ATP13A4: variants seen among roughly 807,000 people sequenced by gnomAD.
The protein encoded by ATP13A4 is ATPase 13A4.
ATP13A4 carries 114 observed loss-of-function variants against 142.5 expected under a neutral mutation model. That is an observed-to-expected ratio of 0.80 (90% CI 0.69 to 0.93). The LOEUF is 0.93. Ranked by LOEUF, ATP13A4 falls within the 40% of genes least tolerant of loss-of-function variation. The pLI is 0.00. For synonymous variants in ATP13A4, 488 were observed against 514.8 expected (o/e 0.95, Z 0.70); for missense variants, 1,392 against 1,454.0 (o/e 0.96, Z 0.69).
At chr3:193,576,035 C>G (rs1383951780) in intron 2 of ATP13A4, among the ~76,000 whole-genome samples, 1 of 152,068 alleles carries the variant, frequency 6.6e-6, no homozygotes, top group Non-Finnish European at 1.5e-5. Flanking sequence ...GGGATGCTGT[C>G]AAGAATCCTG....
At chr3:193,440,717 G>C in intron 20 of ATP13A4, 80 bp from the exon 21 acceptor site, 1 of 1,433,774 alleles carries the variant, frequency 7.0e-7, no homozygotes, top group South Asian at 1.2e-5. Context: ...TCAGAATGTT[G>C]ACTGCATCAT....
At chr3:193,426,214 G>C (rs1036462165) in intron 25 of ATP13A4, among the ~76,000 whole-genome samples, 5 of 151,658 alleles carry the variant, frequency 3.3e-5, no homozygotes, top group African/African-American at 1.2e-4. Context: ...TCGTGTTTCT[G>C]TACACCAGCA....
Position 193,462,809 on chromosome 3 carries a change from T to C in ATP13A4, c.1476A>G (p.Thr492=), listed in dbSNP as rs1261729946. 1 of 1,613,800 alleles carries C rather than the reference T, an allele frequency of 6.2e-7. No individual in the cohort carries two copies. Among genetic ancestry groups the C allele is most frequent in the African/African-American group, 1.3e-5 (1 of 74,880 alleles). The change falls in exon 13 of 30, where the codon ACA becomes ACG. Residue 492 remains threonine, a synonymous_variant. Transcript: ENST00000342695. ...LVCFDKTGTL[T]RDGLDLWGVV... ...CTCCCCAGAGGTCCAAGCCGTCCCT[T>C]GTTAAGGTGCCTGTCTAAACAGAAA...
At chr3:193,497,826 A>G (rs1156465153) in intron 3 of ATP13A4, among the ~76,000 whole-genome samples, 1 of 152,186 alleles carries the variant, frequency 6.6e-6, no homozygotes, top group Non-Finnish European at 1.5e-5. Flanking sequence ...AATAAGGCAA[A>G]TACTGTAGGA....
chr3:193,458,209 C>T (rs1717748755), intron 14 of ATP13A4, among the ~76,000 whole-genome samples: 1 of 152,202 alleles, frequency 6.6e-6, no homozygotes, highest in Admixed American at 6.5e-5. Context: ...GAGGCGAGAG[C>T]TATATGCAGC....
chr3:193,542,656 T>G (rs116371955), intron 1 of ATP13A4, among the ~76,000 whole-genome samples: 4,231 of 152,144 alleles, frequency 0.028, 60 homozygotes, highest in East Asian at 0.033. Flanking sequence ...ACAGAATAGA[T>G]ATCTCAGAAA....
intron 28 of ATP13A4, among the ~76,000 whole-genome samples, chr3:193,409,466 A>G (rs939326729): frequency 6.6e-6 from 1 of 152,316 alleles, no homozygotes; most frequent in Middle Eastern, 3.4e-3. Context: ...TATGTTCCCT[A>G]TTTTGTTATA....
upstream of ATP13A4, among the ~76,000 whole-genome samples, chr3:193,556,628 G>A (rs893754479): frequency 1.0e-4 from 15 of 150,750 alleles, no homozygotes; most frequent in African/African-American, 3.4e-4. Flanking sequence ...AGGGTTTATG[G>A]GGGGGGTAAT....
chr3:193,467,850 G>A (rs990606074), intron 9 of ATP13A4, among the ~76,000 whole-genome samples: 1 of 152,150 alleles, frequency 6.6e-6, no homozygotes, highest in Non-Finnish European at 1.5e-5. Flanking sequence ...AGGAGCCAAA[G>A]CATGGAGAAC....
intron 1 of ATP13A4, among the ~76,000 whole-genome samples, chr3:193,543,284 T>G (rs1203958323): frequency 2.0e-5 from 3 of 151,932 alleles, no homozygotes; most frequent in African/African-American, 4.8e-5. Flanking sequence ...AATTCATAAA[T>G]GGGATCTAAT....
At chr3:193,460,116 C>T (rs1023915548) in intron 13 of ATP13A4, among the ~76,000 whole-genome samples, 2 of 152,180 alleles carry the variant, frequency 1.3e-5, no homozygotes, top group African/African-American at 2.4e-5. Flanking sequence ...CTTGCTCCCC[C>T]TCCTCCACAT....
intron 5 of ATP13A4, 24 bp downstream of exon 5, chr3:193,492,893 T>C (rs1474785818): frequency 1.3e-6 from 2 of 1,542,146 alleles, no homozygotes; most frequent in South Asian, 1.1e-5. Context: ...TTTGAGCTAG[T>C]ATAGGCAATA....
In ATP13A4 at chr3:193,549,727, G is replaced by A. The variant is rs148007615; in HGVS notation, c.60+5013C>T. 4.8e-4 allele frequency among the ~76,000 whole-genome samples: 73 copies of A among 152,254 alleles called. 1 individual carries two copies. The highest frequency in any genetic ancestry group is 3.4e-3 in the Middle Eastern group (1 of 294). The stretch of plus-strand genomic sequence containing the variant: ...TGCGCCCGTGGTCCCAGCTACTCAG[G>A]AGGCTGATGTGGGAGGATCACCTGT... On this transcript the variant is annotated intron_variant, in intron 1 of 29. Coordinates refer to ENST00000342695, the MANE Select transcript of ATP13A4 (RefSeq NM_032279.4).
chr3:193,521,917 A>C lies in ATP13A4; in HGVS notation c.61-7046T>G, dbSNP rs530402872. Among the ~76,000 whole-genome samples, 7 of 152,106 alleles carry C rather than the reference A, an allele frequency of 4.6e-5. No homozygotes were observed. In the South Asian group the frequency reaches 1.5e-3, roughly 32 times the overall value. On this transcript the variant is annotated intron_variant, in intron 1 of 29. Coordinates refer to ENST00000342695, the MANE Select transcript of ATP13A4 (RefSeq NM_032279.4). ...CACTGCACTCCAGCCTGGGCCACAG[A>C]GCGAGACTGCATCTAAAAAAATAAT...
chr3:193,542,894 G>A (rs764013801), intron 1 of ATP13A4, among the ~76,000 whole-genome samples: 2 of 152,136 alleles, frequency 1.3e-5, no homozygotes, highest in Non-Finnish European at 2.9e-5. Flanking sequence ...GGCCAGGCAC[G>A]GTGGCTCACG....
At chr3:193,526,847 G>A (rs1722031703) in intron 1 of ATP13A4, among the ~76,000 whole-genome samples, 1 of 152,154 alleles carries the variant, frequency 6.6e-6, no homozygotes, top group South Asian at 2.1e-4. Context: ...TGGAATGCTA[G>A]CAGTGTTCTG....
Position 193,400,141 on chromosome 3 carries a change from C to G in ATP13A4, c.*2511G>C, listed in dbSNP as rs1368745950. Reference sequence around the variant, plus strand: ...CATGCCACCTGGCACAAGTAGGATCCTTCTTTCTCAGGAAAACCCTTCACA... The same window carrying G: ...CATGCCACCTGGCACAAGTAGGATCGTTCTTTCTCAGGAAAACCCTTCACA... On this transcript the variant is annotated 3_prime_UTR_variant, in exon 30 of 30. Transcript: ENST00000342695. Among the ~76,000 whole-genome samples, 1 of 152,196 alleles carries G rather than the reference C, an allele frequency of 6.6e-6. No homozygotes were observed. Among genetic ancestry groups the G allele is most frequent in the Non-Finnish European group, 1.5e-5 (1 of 68,028 alleles).
upstream of ATP13A4, chr3:193,555,081 G>T (rs991902287): frequency 3.3e-6 from 2 of 599,314 alleles, no homozygotes; most frequent in Non-Finnish European, 5.4e-6. Context: ...CTCCCATGCC[G>T]ATCTTTTTGT....
intron 3 of ATP13A4, among the ~76,000 whole-genome samples, chr3:193,498,941 T>G (rs1720392225): frequency 6.6e-6 from 1 of 152,228 alleles, no homozygotes; most frequent in African/African-American, 2.4e-5. Flanking sequence ...AATACATTTT[T>G]TTATTAAATA....
Sources: allele counts gnomAD v4.1 joint callset (sites outside exome capture counted in the v4.1 genomes callset), GRCh38; gene constraint gnomAD v4.1.1; transcripts MANE v1.5; gene names NCBI Gene and HGNC (gene_info 2026-07-23, HGNC 2026-07-21).